FIG4: variants seen among roughly 807,000 people sequenced by gnomAD.
The protein encoded by FIG4 is polyphosphoinositide phosphatase.
FIG4 carries 112 observed loss-of-function variants against 118.6 expected under a neutral mutation model. The observed-to-expected ratio is 0.94, with a 90% CI of 0.81 to 1.11. The LOEUF (loss-of-function observed/expected upper bound fraction) is 1.11, where lower values mean the gene tolerates loss of function less well. Among genes scored for constraint, FIG4 ranks in the 50% least tolerant of loss-of-function variants. The pLI is 0.00. For missense variants in FIG4, 969 were observed against 1,111.7 expected (o/e 0.87, Z 1.83); for synonymous variants, 369 against 381.2 (o/e 0.97, Z 0.37).
At chr6:109,774,082 G>T (rs754847312) in intron 15 of FIG4, among the ~76,000 whole-genome samples, 1 of 152,124 alleles carries the variant, frequency 6.6e-6, no homozygotes, top group Non-Finnish European at 1.5e-5. Context: ...AAAGTGCTGG[G>T]ATTACAGGCA....
intron 16 of FIG4, among the ~76,000 whole-genome samples, chr6:109,778,580 C>A (rs894867673): frequency 1.7e-4 from 26 of 151,816 alleles, no homozygotes; most frequent in South Asian, 6.2e-4. Context: ...ACAGCTCTTG[C>A]AGTTGTTTTT....
intron 10 of FIG4, among the ~76,000 whole-genome samples, chr6:109,750,261 C>A (rs1333101717): frequency 6.6e-6 from 1 of 152,186 alleles, no homozygotes; most frequent in East Asian, 1.9e-4. Flanking sequence ...GAAGGCCAAC[C>A]TAGGATCAAG....
rs1778130914 is a variant in FIG4, at chr6:109,791,402, T to A, written c.2207T>A (p.Val736Glu). Residue 736 changes from valine (V) to glutamate (E), a missense_variant, in exon 20 of 23, where the codon GTA becomes GAA. Transcript: ENST00000230124. ...AACAAAAGCAATAGAGAAGAAGCTG[T>A]ATTACAGCGGAAAACGGCAGCCAGC... is the stretch of plus-strand genomic sequence containing the variant. ...LGNKSNREEA[V>E]LQRKTAASAP... 1 of 1,613,322 alleles carries A rather than the reference T, an allele frequency of 6.2e-7. No homozygotes were observed. Among genetic ancestry groups the A allele is most frequent in the Admixed American group, 1.7e-5 (1 of 60,016 alleles).
At position 109,758,825 on chromosome 6, in the gene FIG4, A is replaced by G. The variant is rs187853580; in HGVS notation, c.1138-1425A>G. Among the ~76,000 whole-genome samples the G allele has an allele frequency of 2.1e-3, 322 of 152,350 alleles. 1 individual carries two copies. Among genetic ancestry groups the G allele is most frequent in the Non-Finnish European group, 3.7e-3 (250 of 68,024 alleles). The stretch of plus-strand genomic sequence containing the variant: ...AGACACTTCTCAAAAGGACACATTT[A>G]TATGTGGCCAACAAACATATGAAAA... On this transcript the variant is annotated intron_variant, in intron 10 of 22. Coordinates refer to ENST00000230124, the MANE Select transcript of FIG4 (RefSeq NM_014845.6).
At chr6:109,756,538 A>G (rs745504005) in intron 10 of FIG4, among the ~76,000 whole-genome samples, 1 of 152,202 alleles carries the variant, frequency 6.6e-6, no homozygotes, top group Non-Finnish European at 1.5e-5. Context: ...GTGTTTTCCA[A>G]CTTGGTTCCA....
chr6:109,796,968 A>G (rs995960322), intron 22 of FIG4, 117 bp downstream of exon 22: 7 of 714,074 alleles, frequency 9.8e-6, no homozygotes, highest in African/African-American at 7.0e-5. Context: ...TATAAGCACC[A>G]AAGTGTCTCC....
chr6:109,743,451 T>C (rs1314336297), intron 9 of FIG4, 179 bp downstream of exon 9: 3 of 674,290 alleles, frequency 4.4e-6, no homozygotes, highest in East Asian at 5.4e-5. Context: ...TAATTTTGAC[T>C]GTTAAATAAA....
chr6:109,725,273 GC>G (rs1775768423), intron 3 of FIG4, among the ~76,000 whole-genome samples: 1 of 152,032 alleles, frequency 6.6e-6, no homozygotes, highest in South Asian at 2.1e-4. Context: ...CCCTCGACAG[GC>G]CCTGGTGTGT....
intron 15 of FIG4, among the ~76,000 whole-genome samples, chr6:109,773,057 G>A (rs1273966056): frequency 2.0e-5 from 3 of 152,118 alleles, no homozygotes; most frequent in African/African-American, 7.2e-5. Context: ...GTTGGCTGGG[G>A]GCCACTGTCA....
chr6:109,768,843 A>G (rs1045650279), intron 15 of FIG4, among the ~76,000 whole-genome samples: 10 of 152,146 alleles, frequency 6.6e-5, no homozygotes, highest in African/African-American at 1.9e-4. Context: ...AAACAGCACA[A>G]ACCGGTGGCT....
intron 9 of FIG4, 78 bp from the exon 10 acceptor site, chr6:109,743,597 A>G: frequency 8.7e-7 from 1 of 1,149,014 alleles, no homozygotes; most frequent in Non-Finnish European, 1.3e-6. Context: ...GCATTTCTTT[A>G]AAAAAACAAC....
chr6:109,805,813 G>A (rs180723180), intron 22 of FIG4, among the ~76,000 whole-genome samples: 28 of 151,896 alleles, frequency 1.8e-4, no homozygotes, highest in African/African-American at 6.3e-4. Context: ...AAACTTTTAG[G>A]TTTATTTCAA....
chr6:109,800,520 T>A (rs914701257), intron 22 of FIG4, among the ~76,000 whole-genome samples: 3 of 152,200 alleles, frequency 2.0e-5, no homozygotes, highest in African/African-American at 7.2e-5. Context: ...ACTGGAACAG[T>A]GTTGCTGACA....
chr6:109,724,273 C>A (rs528916920), intron 3 of FIG4, among the ~76,000 whole-genome samples: 5 of 152,098 alleles, frequency 3.3e-5, no homozygotes, highest in Non-Finnish European at 7.3e-5. Context: ...CCACTCCTCT[C>A]CCCCCTGGGA....
intron 22 of FIG4, among the ~76,000 whole-genome samples, chr6:109,803,156 TC>T (rs1778469258): frequency 1.3e-5 from 2 of 152,162 alleles, no homozygotes. Flanking sequence ...AAAGCTCTGT[TC>T]TAATCAGGGG....
rs1422048624 is a variant in FIG4 at position 109,766,803 on chromosome 6, G to A, written c.1658G>A (p.Arg553His). 1.2e-5 allele frequency: 19 copies of A among 1,613,492 alleles called. No homozygotes were observed. The highest frequency in any genetic ancestry group is 5.0e-5 in the Admixed American group (3 of 59,990). ...TATGGTGGTTCTCAACTTGTTCATC[G>A]TGTGAAAACCTACAGAAAGATAGCA... is the stretch of plus-strand genomic sequence containing the variant. ...LQYGGSQLVH[R>H]VKTYRKIAPW... Residue 553 changes from arginine (R) to histidine (H), a missense_variant, in exon 15 of 23, where the codon CGT becomes CAT. This residue lies in a region of FIG4 where 246 missense variants were observed against 354.3 expected (regional missense o/e 0.69). Coordinates refer to ENST00000230124, the MANE Select transcript of FIG4 (RefSeq NM_014845.6).
At chr6:109,756,834 C>T (rs542616775) in intron 10 of FIG4, among the ~76,000 whole-genome samples, 8 of 152,232 alleles carry the variant, frequency 5.3e-5, no homozygotes, top group Admixed American at 3.3e-4. Context: ...GTTATACATT[C>T]GTTTAAATTT....
chr6:109,786,353 A>G lies in FIG4; in HGVS notation c.2000A>G (p.Tyr667Cys). Residue 667 changes from tyrosine to cysteine, a missense_variant, in exon 18 of 23, where the codon TAT becomes TGT. By Grantham distance (194) the Tyr-to-Cys change is radical (BLOSUM62 -2). This residue lies in a region of FIG4 where 330 missense variants were observed against 348.1 expected (regional missense o/e 0.95). Transcript: ENST00000230124. ...KKLIVKKFHK[Y>C]EEEIDIHNEF... The stretch of plus-strand genomic sequence containing the variant: ...TTGATAGTGAAGAAATTCCACAAAT[A>G]TGAAGAAGAGATTGATATCCACAAT... 1.2e-6 allele frequency: 2 copies of G among 1,613,654 alleles called. No homozygotes were observed. Among genetic ancestry groups the G allele is most frequent in the Non-Finnish European group, 1.7e-6 (2 of 1,179,542 alleles).
intron 22 of FIG4, among the ~76,000 whole-genome samples, chr6:109,809,303 G>T (rs1399462273): frequency 6.6e-6 from 1 of 152,108 alleles, no homozygotes; most frequent in Non-Finnish European, 1.5e-5. Context: ...GAAAAGATTC[G>T]CAAGCTGTGA....
Sources: gnomAD v4.1 joint callset for allele counts (sites outside exome capture counted in the v4.1 genomes callset) on GRCh38, gnomAD v4.1.1 for gene constraint, gnomAD v4.1.1 regional missense constraint, MANE v1.5 for transcripts, NCBI Gene and HGNC (gene_info 2026-07-23, HGNC 2026-07-21) for gene names.